The following VOPP1 variants were observed in gnomAD, a reference collection of about 807,000 sequenced individuals.
The protein encoded by VOPP1 is WW domain binding protein VOPP1.
A neutral mutation model predicts 23.5 loss-of-function variants in VOPP1; 8 were observed. The observed-to-expected ratio is 0.34, with a 90% confidence interval of 0.20 to 0.61. VOPP1 has a LOEUF of 0.61. VOPP1 is among the 20% of genes least tolerant of loss of function. The probability of loss-of-function intolerance (pLI) is 0.78; values close to 1 mark genes in which losing one functional copy is unlikely to be tolerated. For synonymous variants in VOPP1, 83 were observed against 97.3 expected, an observed-to-expected ratio of 0.85 and a Z score of 0.86; for missense variants, 174 against 238.1, an observed-to-expected ratio of 0.73 and a Z score of 1.77.
chr7:55,501,454 T>C (rs1794360470), intron 2 of VOPP1, among the ~76,000 whole-genome samples: 1 of 152,212 alleles, frequency 6.6e-6, no homozygotes, highest in South Asian at 2.1e-4. Flanking sequence ...CTGGCTCCAT[T>C]CATCCTCGTG....
intron 1 of VOPP1, among the ~76,000 whole-genome samples, chr7:55,572,062 G>C (rs1204470616): frequency 6.6e-6 from 1 of 152,116 alleles, no homozygotes; most frequent in African/African-American, 2.4e-5. Flanking sequence ...CCGAAGGAAC[G>C]ACGGAAGGCG....
At chr7:55,436,350 G>A (rs1040099257) in intron 4 of VOPP1, among the ~76,000 whole-genome samples, 2 of 152,160 alleles carry the variant, frequency 1.3e-5, no homozygotes, top group African/African-American at 4.8e-5. Flanking sequence ...ATAAAATCAG[G>A]ACAATGGTAA....
intron 4 of VOPP1, among the ~76,000 whole-genome samples, chr7:55,479,706 G>A (rs1792559513): frequency 1.3e-5 from 2 of 152,198 alleles, no homozygotes; most frequent in African/African-American, 4.8e-5. Flanking sequence ...TTCACCAAAT[G>A]TGATGTTAGC....
At chr7:55,535,512 C>G (rs1261724503) in intron 1 of VOPP1, among the ~76,000 whole-genome samples, 1 of 152,202 alleles carries the variant, frequency 6.6e-6, no homozygotes, top group African/African-American at 2.4e-5. Context: ...TGCCGCTCCT[C>G]CCAGTCCCCC....
chr7:55,507,160 C>T (rs890199854), intron 2 of VOPP1, among the ~76,000 whole-genome samples: 3 of 152,184 alleles, frequency 2.0e-5, no homozygotes, highest in Non-Finnish European at 4.4e-5. Flanking sequence ...CCTCAAGAAA[C>T]ACCTGTGAGG....
At chr7:55,552,502 G>A in intron 1 of VOPP1, 1 of 1,304,020 alleles carries the variant, frequency 7.7e-7, no homozygotes, top group Non-Finnish European at 1.1e-6. Flanking sequence ...CACTCACACA[G>A]GATGGATCTC....
At chr7:55,564,642 A>G (rs766365830) in intron 1 of VOPP1, among the ~76,000 whole-genome samples, 134 of 152,238 alleles carry the variant, frequency 8.8e-4, no homozygotes, top group Non-Finnish European at 1.8e-3. Flanking sequence ...AAGCAAGCCC[A>G]CTTTTTAATC....
chr7:55,445,777 A>T (rs1458906551), intron 4 of VOPP1, among the ~76,000 whole-genome samples: 1 of 152,210 alleles, frequency 6.6e-6, no homozygotes, highest in Non-Finnish European at 1.5e-5. Context: ...TATGGTAGCC[A>T]CTAGCCACAT....
intron 4 of VOPP1, among the ~76,000 whole-genome samples, chr7:55,473,653 G>A (rs977372254): frequency 2.6e-5 from 4 of 152,204 alleles, no homozygotes; most frequent in African/African-American, 7.2e-5. Flanking sequence ...GAGGGTACAG[G>A]CTGGACACCC....
At chr7:55,518,530 GGGA>G (rs1392482350) in intron 2 of VOPP1, among the ~76,000 whole-genome samples, 7 of 152,186 alleles carry the variant, frequency 4.6e-5, no homozygotes, top group Non-Finnish European at 1.0e-4. Flanking sequence ...AAAACAGCAG[GGGA>G]GGAACAAACT....
chr7:55,557,593 C>T (rs1797853146), intron 1 of VOPP1, among the ~76,000 whole-genome samples: 1 of 152,132 alleles, frequency 6.6e-6, no homozygotes, highest in African/African-American at 2.4e-5. Context: ...TAACACCAAC[C>T]CCACCCAAAA....
Position 55,521,070 on chromosome 7 carries a change from A to G in VOPP1, c.113+2T>C. Reference sequence around the variant, plus strand: ...AAACCACAGAAAGGTGCAAATACTTACATATAATAGGTTGGATAGAGTCCT... The same window carrying G: ...AAACCACAGAAAGGTGCAAATACTTGCATATAATAGGTTGGATAGAGTCCT... On this transcript the variant is annotated splice_donor_variant, in intron 2 of 4. Coordinates refer to ENST00000285279, the MANE Select transcript of VOPP1 (RefSeq NM_030796.5). LOFTEE classifies it high-confidence loss of function. 1.3e-6 allele frequency: 2 copies of G among 1,574,940 alleles called. No individual in the cohort carries two copies. Among genetic ancestry groups the G allele is most frequent in the Non-Finnish European group, 1.7e-6 (2 of 1,159,104 alleles).
intron 1 of VOPP1, among the ~76,000 whole-genome samples, chr7:55,524,648 A>C (rs1181677005): frequency 1.3e-5 from 2 of 152,204 alleles, no homozygotes; most frequent in Non-Finnish European, 2.9e-5. Flanking sequence ...AGAAGTCCTG[A>C]TAATTGTTGT....
intron 1 of VOPP1, among the ~76,000 whole-genome samples, chr7:55,543,232 T>C (rs759767866): frequency 1.3e-5 from 2 of 152,218 alleles, no homozygotes; most frequent in Non-Finnish European, 2.9e-5. Context: ...TTATTCTTTA[T>C]TATGGCTTTA....
At chr7:55,537,516 C>G (rs1161663573) in intron 1 of VOPP1, 1 of 1,536,008 alleles carries the variant, frequency 6.5e-7, no homozygotes, top group Admixed American at 2.0e-5. Context: ...CATGTGAGCC[C>G]GTCCTTCGCA....
chr7:55,476,761 C>T (rs1056611365), intron 4 of VOPP1, among the ~76,000 whole-genome samples: 3 of 152,210 alleles, frequency 2.0e-5, no homozygotes, highest in African/African-American at 7.2e-5. Flanking sequence ...AGCCTCAACA[C>T]AGGGCACCAG....
chr7:55,435,726 T>C (rs1790806603), downstream of VOPP1, among the ~76,000 whole-genome samples: 1 of 152,236 alleles, frequency 6.6e-6, no homozygotes, highest in Non-Finnish European at 1.5e-5. Flanking sequence ...CCTGGGGCTA[T>C]CCTGAGATCA....
intron 4 of VOPP1, among the ~76,000 whole-genome samples, chr7:55,477,076 G>C (rs59323090): frequency 0.22 from 33,392 of 152,138 alleles, 4,375 homozygotes; most frequent in African/African-American, 0.36. Flanking sequence ...CCTAGCCTCT[G>C]GTCTGGCTAA....
chr7:55,478,018 A>C (rs890976739), intron 4 of VOPP1, among the ~76,000 whole-genome samples: 1 of 152,242 alleles, frequency 6.6e-6, no homozygotes, highest in African/African-American at 2.4e-5. Context: ...GACGCTGGCC[A>C]TGCTTACCAT....
Sources: gnomAD v4.1 joint callset for allele counts (sites outside exome capture counted in the v4.1 genomes callset) on GRCh38, gnomAD v4.1.1 for gene constraint, MANE v1.5 for transcripts, NCBI Gene and HGNC (gene_info 2026-07-23, HGNC 2026-07-21) for gene names.